NKD2: variants seen among roughly 807,000 people sequenced by gnomAD.
NKD2 encodes the protein protein naked cuticle homolog 2.
A neutral mutation model predicts 34.8 loss-of-function variants in NKD2; 43 were observed. The ratio of observed to expected loss-of-function variants is 1.24; its 90% confidence interval spans 0.97 to 1.60. NKD2 has a LOEUF of 1.60. NKD2 is among the 40% of genes most tolerant of loss of function. The probability of loss-of-function intolerance (pLI) is 0.00; values close to 1 mark genes in which losing one functional copy is unlikely to be tolerated. For missense variants in NKD2, 675 were observed against 627.1 expected, an observed-to-expected ratio of 1.08 and a Z score of -0.82; for synonymous variants, 278 against 265.1, an observed-to-expected ratio of 1.05 and a Z score of -0.47.
At position 1,036,374 on chromosome 5, in the gene NKD2, A is replaced by G. The variant is rs755506943; in HGVS notation, c.777A>G (p.Arg259=). 6 of 1,612,304 alleles carry G rather than the reference A, an allele frequency of 3.7e-6. No homozygotes were observed. In the South Asian group the frequency reaches 5.5e-5, roughly 15 times the overall value. The change falls in exon 9 of 10, where the codon AGA becomes AGG. Residue 259 remains arginine (R), a synonymous_variant. Transcript: ENST00000296849. ...CCGGGATTGAGAACTACACGTCCAG[A>G]TTCGGCCCTGGTAGGTCCTGGAGGC... ...DLAGIENYTS[R]FGPGSPPVQA...
At chr5:1,014,975 C>T (rs1256158553) in intron 3 of NKD2, among the ~76,000 whole-genome samples, 2 of 152,206 alleles carry the variant, frequency 1.3e-5, no homozygotes, top group Non-Finnish European at 2.9e-5. Context: ...CTGCCACTCA[C>T]AGCCTGGCCA....
chr5:1,034,171 C>T (rs1733680682), intron 5 of NKD2, 64 bp from the exon 6 acceptor site: 7 of 1,178,226 alleles, frequency 5.9e-6, no homozygotes, highest in Non-Finnish European at 7.4e-6. Context: ...ATCCTTCCCC[C>T]TGTGGAGTTG....
At chr5:1,017,782 C>T (rs1057245693) in intron 3 of NKD2, among the ~76,000 whole-genome samples, 9 of 151,320 alleles carry the variant, frequency 5.9e-5, no homozygotes, top group Admixed American at 3.9e-4. Context: ...TGCTGGGGTG[C>T]GGGTGAGGCC....
chr5:1,018,730 G>A (rs369114540), intron 3 of NKD2, among the ~76,000 whole-genome samples: 27 of 152,280 alleles, frequency 1.8e-4, no homozygotes, highest in Admixed American at 7.8e-4. Context: ...CCGGTGGTCA[G>A]GACCCTGCCA....
chr5:1,018,839 G>A (rs537857197), intron 3 of NKD2, among the ~76,000 whole-genome samples: 2 of 152,322 alleles, frequency 1.3e-5, no homozygotes, highest in South Asian at 4.1e-4. Context: ...CATTCTCGGG[G>A]TCTGTTTGCC....
In NKD2 at chr5:1,034,869, C is replaced by T; in HGVS notation, c.540C>T (p.Ser180=). ...RVKLTVSPEP[S]SKRKEGPPAG... ...AGCTAACCGTCAGCCCTGAGCCCTCCAGCAAGAGGAAGGAGGGTCCTCCTG... is the reference window on the plus strand; with the variant it reads ...AGCTAACCGTCAGCCCTGAGCCCTCTAGCAAGAGGAAGGAGGGTCCTCCTG... Residue 180 remains serine (S), a synonymous_variant, in exon 7 of 10, where the codon TCC becomes TCT. Transcript: ENST00000296849. 2 of 1,612,348 alleles carry T rather than the reference C, an allele frequency of 1.2e-6. No homozygotes were observed.
At position 1,036,816 on chromosome 5, in the gene NKD2, C is replaced by T. The variant is rs528473193; in HGVS notation, c.787+432C>T. On this transcript the variant is annotated intron_variant, in intron 9 of 9. Coordinates refer to ENST00000296849, the MANE Select transcript of NKD2 (RefSeq NM_033120.4). ...TGTGGACAACAGGCAGTGTGGACGG[C>T]AGGGCAGGCAGTGTGGACAACAGAC... 280 of 455,832 alleles carry T rather than the reference C, an allele frequency of 6.1e-4. 1 individual carries two copies. Among genetic ancestry groups the T allele is most frequent in the African/African-American group, 5.2e-3 (259 of 49,826 alleles). 28.2% of individuals were successfully genotyped at this position (455,832 alleles called of 1,614,324 possible). A position where few individuals can be genotyped will look rare whatever the true frequency, so the allele number is the denominator to read the frequency against.
intron 3 of NKD2, among the ~76,000 whole-genome samples, chr5:1,025,950 G>T (rs1756376493): frequency 9.5e-5 from 1 of 10,520 alleles, no homozygotes; most frequent in African/African-American, 1.4e-4. Context: ...CCCACCCGCT[G>T]TGGGCGTCTC....
In NKD2 at chr5:1,033,426, G is replaced by C. The variant is rs370050430; in HGVS notation, c.257G>C (p.Ser86Thr). Residue 86 changes from serine (S) to threonine (T), a missense_variant, in exon 5 of 10, where the codon AGC (serine) becomes ACC (threonine). Coordinates refer to ENST00000296849, the MANE Select transcript of NKD2 (RefSeq NM_033120.4). The stretch of plus-strand genomic sequence containing the variant: ...CGCGAGCACCCGGGACAACTCCTCA[G>C]CGCAGATGACGGAGAGAGGGCAGCA... Reference protein sequence around the residue: ...EGREHPGQLLSADDGERAANR... With the variant: ...EGREHPGQLLTADDGERAANR... The C allele has an allele frequency of 4.4e-6, 7 of 1,588,402 alleles. No homozygotes were observed. In the African/African-American group the frequency reaches 9.4e-5, roughly 21 times the overall value.
chr5:1,021,696 A>G (rs1022753251), intron 3 of NKD2, among the ~76,000 whole-genome samples: 2 of 151,880 alleles, frequency 1.3e-5, no homozygotes, highest in African/African-American at 2.4e-5. Flanking sequence ...CCTTGAAGTC[A>G]AATTCCATCC....
intron 3 of NKD2, among the ~76,000 whole-genome samples, chr5:1,031,214 A>G (rs967472227): frequency 1.1e-4 from 16 of 152,104 alleles, no homozygotes; most frequent in Non-Finnish European, 1.9e-4. Context: ...TGAGGGGCAC[A>G]TGACCCCTGG....
In NKD2 at chr5:1,037,781, TCA is replaced by T. The variant is rs1734068017; in HGVS notation, c.788-20_788-19del. 3 of 1,562,544 alleles carry T rather than the reference TCA, an allele frequency of 1.9e-6. No homozygotes were observed. The African/African-American group carries it at 4.1e-5, about 21-fold the overall frequency. ...AACCTGAGCCTGCACTCCCAGGGCC[TCA>T]CACTCTGACCTGTGTCCGCAGGGTC... is the stretch of plus-strand genomic sequence containing the variant. On this transcript the variant is annotated intron_variant, in intron 9 of 9. Transcript: ENST00000296849.
chr5:1,009,569 C>CGGGGCGGA lies in NKD2; in HGVS notation c.141+12_141+19dup. The CGGGGCGGA allele has an allele frequency of 6.8e-7, 1 of 1,472,508 alleles. No individual in the cohort carries two copies. Among genetic ancestry groups the CGGGGCGGA allele is most frequent in the African/African-American group, 1.5e-5 (1 of 67,904 alleles). 91.2% of individuals were successfully genotyped at this position (1,472,508 alleles called of 1,614,324 possible). On this transcript the variant is annotated intron_variant, in intron 3 of 9. Coordinates refer to ENST00000296849, the MANE Select transcript of NKD2 (RefSeq NM_033120.4). This position sits in a 1 kb window ranked among gnomAD's most constrained non-coding sequence, Gnocchi z 6.9. ...GCGCGCGGGACAAGCAGGTAGGCGG[C>CGGGGCGGA]GGGGCGGAGGCTGGGGTCGCGCTGC... is the stretch of plus-strand genomic sequence containing the variant.
intron 3 of NKD2, among the ~76,000 whole-genome samples, chr5:1,020,559 T>C (rs1036272074): frequency 5.3e-5 from 8 of 151,774 alleles, no homozygotes; most frequent in Non-Finnish European, 1.0e-4. Flanking sequence ...CCCATCCGCG[T>C]CGGTTAATGC....
Position 1,008,985 on chromosome 5 carries a change from C to A in NKD2, c.-73C>A. On this transcript the variant is annotated 5_prime_UTR_variant, in exon 1 of 10. Coordinates refer to ENST00000296849, the MANE Select transcript of NKD2 (RefSeq NM_033120.4). ...TTGCTCCCGGCCCATGCGGCCCCCGCGGGCTCCCGGCCCCGGCTTCAGAAC... is the reference window on the plus strand; with the variant it reads ...TTGCTCCCGGCCCATGCGGCCCCCGAGGGCTCCCGGCCCCGGCTTCAGAAC... 2.4e-6 allele frequency: 1 copy of A among 416,642 alleles called. No homozygotes were observed. 25.8% of individuals were successfully genotyped at this position (416,642 alleles called of 1,614,324 possible). A position where few individuals can be genotyped will look rare whatever the true frequency, so the allele number is the denominator to read the frequency against.
In NKD2 at chr5:1,032,139, G is replaced by A. The variant is rs377731336; in HGVS notation, c.142-13G>A. 6.8e-6 allele frequency: 11 copies of A among 1,610,354 alleles called. No individual in the cohort carries two copies. Among genetic ancestry groups the A allele is most frequent in the East Asian group, 2.2e-5 (1 of 44,612 alleles). ...GAGCTATGTGGCCACTGACTGCCCC[G>A]TTCTTCCTGCAGGAGCTGCCCAATG... On this transcript the variant is annotated splice_polypyrimidine_tract_variant and intron_variant, in intron 3 of 9. Transcript: ENST00000296849.
At chr5:1,014,994 G>A (rs527844528) in intron 3 of NKD2, among the ~76,000 whole-genome samples, 44 of 152,284 alleles carry the variant, frequency 2.9e-4, no homozygotes, top group Admixed American at 2.4e-3. Context: ...CACATCCCTC[G>A]TGCCTGGGCC....
rs910865022 is a variant in NKD2 at position 1,035,264 on chromosome 5, GAATGAGTGAACCAGTGAGTT to G, written c.575-119_575-100del. ...TGAGTGAACAAGTGAGTGAGTTAAT[GAATGAGTGAACCAGTGAGTT>G]AATGAATGAATGAATGAGTGAGTGA... On this transcript the variant is annotated intron_variant, in intron 7 of 9. Transcript: ENST00000296849. 4.3e-3 allele frequency: 3,301 copies of G among 773,136 alleles called. 31 individuals carry two copies. The highest frequency in any genetic ancestry group is 5.7e-3 in the Non-Finnish European group (2,644 of 463,328). 47.9% of individuals were successfully genotyped at this position (773,136 alleles called of 1,614,324 possible). A position where few individuals can be genotyped will look rare whatever the true frequency, so the allele number is the denominator to read the frequency against.
chr5:1,034,968 C>T (rs992729967), intron 7 of NKD2, 65 bp downstream of exon 7: 33 of 1,454,184 alleles, frequency 2.3e-5, no homozygotes, highest in Middle Eastern at 2.2e-4. Context: ...AAGCTGTGTG[C>T]GCGGGACAGG....
Sources: allele counts gnomAD v4.1 joint callset (sites outside exome capture counted in the v4.1 genomes callset), GRCh38; gene constraint gnomAD v4.1.1; non-coding constraint Gnocchi (gnomAD v3.1); transcripts MANE v1.5; gene names NCBI Gene and HGNC (gene_info 2026-07-23, HGNC 2026-07-21).